The following MDFIC2 variants were observed in gnomAD, a reference collection of about 807,000 sequenced individuals.
MDFIC2 encodes the protein myoD family inhibitor domain-containing protein 2.
chr3:70,237,461 G>A (rs916200193), intron 2 of MDFIC2, among the ~76,000 whole-genome samples: 9 of 152,136 alleles, frequency 5.9e-5, no homozygotes, highest in South Asian at 2.1e-4. Context: ...TCAGTGAAAC[G>A]TCTGCTTATC....
chr3:70,308,909 A>C (rs1319517398), intron 2 of MDFIC2, among the ~76,000 whole-genome samples: 1 of 152,160 alleles, frequency 6.6e-6, no homozygotes, highest in Non-Finnish European at 1.5e-5. Context: ...TTCCAAGCCG[A>C]ATAAGGCATT....
intron 3 of MDFIC2, among the ~76,000 whole-genome samples, chr3:70,201,923 G>A (rs916053962): frequency 1.3e-5 from 2 of 152,152 alleles, no homozygotes; most frequent in Admixed American, 6.5e-5. Context: ...GAAAATTCAG[G>A]GTGCTTCTCC....
At chr3:70,295,548 TAAAA>T (rs960827526) in intron 2 of MDFIC2, among the ~76,000 whole-genome samples, 2 of 151,930 alleles carry the variant, frequency 1.3e-5, no homozygotes, top group African/African-American at 4.8e-5. Flanking sequence ...ACAAAAAAGT[TAAAA>T]ATGAGCCAGG....
intron 2 of MDFIC2, among the ~76,000 whole-genome samples, chr3:70,229,556 C>A (rs1327850792): frequency 6.6e-6 from 1 of 152,172 alleles, no homozygotes; most frequent in Non-Finnish European, 1.5e-5. Flanking sequence ...GCTGAAGGGA[C>A]ATGGGCAGAA....
intron 2 of MDFIC2, among the ~76,000 whole-genome samples, chr3:70,235,201 G>T (rs1267719988): frequency 6.6e-6 from 1 of 152,148 alleles, no homozygotes; most frequent in Non-Finnish European, 1.5e-5. Flanking sequence ...ATCCACAAAA[G>T]ATGTGTCTTC....
intron 2 of MDFIC2, among the ~76,000 whole-genome samples, chr3:70,310,802 A>G (rs1201951146): frequency 6.6e-6 from 1 of 152,158 alleles, no homozygotes; most frequent in Non-Finnish European, 1.5e-5. Context: ...TGTTCTGACG[A>G]GTAACTTAAA....
intron 2 of MDFIC2, among the ~76,000 whole-genome samples, chr3:70,209,233 T>C (rs1701319087): frequency 6.6e-6 from 1 of 152,068 alleles, no homozygotes; most frequent in Non-Finnish European, 1.5e-5. Context: ...GATTGTAGGA[T>C]GTTTAGTGGT....
intron 2 of MDFIC2, among the ~76,000 whole-genome samples, chr3:70,243,309 T>C (rs1323759481): frequency 1.3e-5 from 2 of 152,110 alleles, no homozygotes; most frequent in African/African-American, 4.8e-5. Flanking sequence ...AAGCAATAAT[T>C]TTCATTTTTC....
At chr3:70,242,393 TC>T (rs1381814725) in intron 2 of MDFIC2, among the ~76,000 whole-genome samples, 14 of 151,062 alleles carry the variant, frequency 9.3e-5, no homozygotes, top group Non-Finnish European at 1.9e-4. Flanking sequence ...GTGGAAAATT[TC>T]TTTTTGTAGA....
intron 2 of MDFIC2, among the ~76,000 whole-genome samples, chr3:70,225,227 T>C (rs1242427163): frequency 2.6e-5 from 4 of 152,182 alleles, no homozygotes; most frequent in African/African-American, 9.7e-5. Context: ...AAATGTATAA[T>C]ACTGATATGT....
chr3:70,275,166 A>G (rs1196541179), intron 2 of MDFIC2, among the ~76,000 whole-genome samples: 2 of 152,196 alleles, frequency 1.3e-5, no homozygotes, highest in African/African-American at 4.8e-5. Context: ...CTTATAAAAA[A>G]GTTAATAAAC....
intron 2 of MDFIC2, among the ~76,000 whole-genome samples, chr3:70,234,510 A>T (rs1170127982): frequency 7.9e-5 from 12 of 152,030 alleles, no homozygotes; most frequent in Admixed American, 6.6e-4. Flanking sequence ...TCAGCCAGGC[A>T]TGGTGGCATG....
chr3:70,297,177 T>C (rs1435256617), intron 2 of MDFIC2, among the ~76,000 whole-genome samples: 2 of 152,160 alleles, frequency 1.3e-5, no homozygotes, highest in Non-Finnish European at 2.9e-5. Context: ...TCAAATTTAC[T>C]ATTGGATGAT....
At chr3:70,277,908 C>G (rs551618831) in intron 2 of MDFIC2, among the ~76,000 whole-genome samples, 2 of 152,002 alleles carry the variant, frequency 1.3e-5, no homozygotes, top group Non-Finnish European at 2.9e-5. Flanking sequence ...TGATTGAGAC[C>G]CTACTGGCCA....
At chr3:70,232,155 G>A (rs1467139108) in intron 2 of MDFIC2, among the ~76,000 whole-genome samples, 3 of 152,150 alleles carry the variant, frequency 2.0e-5, no homozygotes, top group African/African-American at 2.4e-5. Flanking sequence ...TGCCCCAACC[G>A]TACACTCGAC....
At chr3:70,283,248 T>G (rs1415166132) in intron 2 of MDFIC2, among the ~76,000 whole-genome samples, 2 of 152,106 alleles carry the variant, frequency 1.3e-5, no homozygotes, top group South Asian at 4.1e-4. Flanking sequence ...GCGGGAACCT[T>G]GTAAACTCAT....
intron 2 of MDFIC2, among the ~76,000 whole-genome samples, chr3:70,238,154 G>C (rs1214329416): frequency 6.6e-6 from 1 of 151,812 alleles, no homozygotes; most frequent in African/African-American, 2.4e-5. Flanking sequence ...AGCCACAGCA[G>C]CTTGTTCTAG....
intron 2 of MDFIC2, among the ~76,000 whole-genome samples, chr3:70,273,851 G>A (rs1355868272): frequency 1.3e-5 from 2 of 152,082 alleles, no homozygotes; most frequent in Non-Finnish European, 2.9e-5. Context: ...TGCCTAGGCT[G>A]GAGTGCAGTG....
intron 2 of MDFIC2, among the ~76,000 whole-genome samples, chr3:70,300,616 C>G (rs1366670434): frequency 6.6e-6 from 1 of 151,898 alleles, no homozygotes. Context: ...TGTTTCATCT[C>G]TAAAATAAAA....
Sources: allele counts gnomAD v4.1 joint callset (sites outside exome capture counted in the v4.1 genomes callset), GRCh38; gene constraint gnomAD v4.1.1; transcripts MANE v1.5; gene names NCBI Gene and HGNC (gene_info 2026-07-23, HGNC 2026-07-21).